Variants in BACH2 observed in about 807,000 individuals in gnomAD.
BACH2 encodes transcription regulator protein BACH2.
BACH2 carries 5 observed loss-of-function variants against 61.8 expected under a neutral mutation model. That is an observed-to-expected ratio of 0.08 (90% confidence interval 0.04 to 0.17). The LOEUF (loss-of-function observed/expected upper bound fraction) is 0.17, where lower values mean the gene tolerates loss of function less well. Among genes scored for constraint, BACH2 ranks in the 10% least tolerant of loss-of-function variants. The pLI, the probability that BACH2 is intolerant of heterozygous loss-of-function variation, is 1.00. For synonymous variants in BACH2, 446 were observed against 440.1 expected (o/e 1.01, Z -0.17); for missense variants, 824 against 1,091.1 (o/e 0.76, Z 3.45).
intron 6 of BACH2, among the ~76,000 whole-genome samples, chr6:89,997,005 GCA>G (rs60037899): frequency 0.63 from 93,735 of 149,456 alleles, 30,216 homozygotes; most frequent in South Asian, 0.74. Flanking sequence ...ATGCACACGG[GCA>G]CACACACACA....
At chr6:90,004,969 C>T (rs1324183551) in intron 6 of BACH2, among the ~76,000 whole-genome samples, 9 of 151,988 alleles carry the variant, frequency 5.9e-5, no homozygotes, top group Non-Finnish European at 1.3e-4. Flanking sequence ...CTAGGGATTG[C>T]CATTTGTTTT....
chr6:90,261,965 G>A (rs771638555), intron 2 of BACH2, among the ~76,000 whole-genome samples: 6 of 152,018 alleles, frequency 3.9e-5, no homozygotes, highest in South Asian at 2.1e-4. Context: ...TGACCCTCTC[G>A]CCTTGGATTC....
intron 4 of BACH2, among the ~76,000 whole-genome samples, chr6:90,105,559 G>A (rs1782865374): frequency 6.6e-6 from 1 of 152,156 alleles, no homozygotes; most frequent in African/African-American, 2.4e-5. Flanking sequence ...AAATACCAAT[G>A]AACATTAGGC....
chr6:90,233,482 A>C (rs1291402124), intron 3 of BACH2, among the ~76,000 whole-genome samples: 2 of 152,164 alleles, frequency 1.3e-5, no homozygotes, highest in East Asian at 3.8e-4. Context: ...AGAATGACAC[A>C]GATTTAGGTT....
Position 89,930,381 on chromosome 6 carries a change from A to C in BACH2, c.*2027T>G, listed in dbSNP as rs1282880837. 1 of 152,652 alleles carries C rather than the reference A, an allele frequency of 6.6e-6. No homozygotes were observed. Among genetic ancestry groups the C allele is most frequent in the Non-Finnish European group, 1.5e-5 (1 of 68,020 alleles). 9.5% of individuals were successfully genotyped at this position (152,652 alleles called of 1,614,324 possible). A position where few individuals can be genotyped will look rare whatever the true frequency, so the allele number is the denominator to read the frequency against. ...TACTATGATTTCACTTTTAGCCTAC[A>C]TCATATACTAATTTCCCCTTTTACA... On this transcript the variant is annotated 3_prime_UTR_variant, in exon 9 of 9. Transcript: ENST00000257749.
chr6:89,976,359 A>C (rs1775650954), intron 6 of BACH2, among the ~76,000 whole-genome samples: 1 of 152,230 alleles, frequency 6.6e-6, no homozygotes, highest in Admixed American at 6.5e-5. Flanking sequence ...CCATCTCACT[A>C]CTGCCTTAGG....
intron 6 of BACH2, among the ~76,000 whole-genome samples, chr6:89,975,888 TTCTTCA>T (rs1357085208): frequency 1.3e-5 from 2 of 152,218 alleles, no homozygotes; most frequent in Non-Finnish European, 2.9e-5. Context: ...TTGGACTGCT[TTCTTCA>T]TAATACAGTC....
intron 7 of BACH2, among the ~76,000 whole-genome samples, chr6:89,949,472 A>C (rs1554218990): frequency 6.6e-6 from 1 of 151,960 alleles, no homozygotes; most frequent in Non-Finnish European, 1.5e-5. Flanking sequence ...TCCTCTCCTT[A>C]GTCTTGTGAG....
intron 5 of BACH2, among the ~76,000 whole-genome samples, chr6:90,068,508 C>A (rs1419336624): frequency 6.6e-6 from 1 of 152,280 alleles, no homozygotes; most frequent in Non-Finnish European, 1.5e-5. Context: ...CCCATGGAGA[C>A]GCTGAGGCCC....
chr6:90,098,756 C>A (rs562753517), intron 4 of BACH2, among the ~76,000 whole-genome samples: 1 of 152,166 alleles, frequency 6.6e-6, no homozygotes, highest in Non-Finnish European at 1.5e-5. Flanking sequence ...CATGGAGCAT[C>A]CAGGGTAACT....
At position 89,950,858 on chromosome 6, in the gene BACH2, C is replaced by T; in HGVS notation, c.1248G>A (p.Leu416=). The T allele has an allele frequency of 1.2e-6, 2 of 1,612,242 alleles. No individual in the cohort carries two copies. The change falls in exon 7 of 9, where the codon TTG becomes TTA. Residue 416 remains leucine (L), a synonymous_variant. Transcript: ENST00000257749. This position sits in a 1 kb window ranked among gnomAD's most constrained non-coding sequence, Gnocchi z 5.3. ...TMGSPLRGPG[L]EALCKQEGEL... ...CTCCCTCCTGTTTACAGAGAGCCTC[C>T]AACCCAGGCCCCCTGAGGGGCGACC...
intron 4 of BACH2, among the ~76,000 whole-genome samples, chr6:90,155,230 T>A (rs1014388577): frequency 1.3e-5 from 2 of 152,184 alleles, no homozygotes; most frequent in African/African-American, 4.8e-5. Flanking sequence ...CTATCACTGT[T>A]ATGGGCTGGA....
chr6:90,049,217 C>T (rs1270958596), intron 5 of BACH2, among the ~76,000 whole-genome samples: 2 of 152,108 alleles, frequency 1.3e-5, no homozygotes, highest in Non-Finnish European at 2.9e-5. Context: ...ACAGGACAGA[C>T]AAAGTCCCTA....
chr6:90,123,928 G>A (rs1046494085), intron 4 of BACH2, among the ~76,000 whole-genome samples: 7 of 150,664 alleles, frequency 4.6e-5, no homozygotes, highest in Admixed American at 1.3e-4. Context: ...ACTCTCCTCC[G>A]AATGCAGGCC....
intron 5 of BACH2, among the ~76,000 whole-genome samples, chr6:90,030,130 G>A (rs991513688): frequency 6.6e-6 from 1 of 152,180 alleles, no homozygotes; most frequent in Non-Finnish European, 1.5e-5. Context: ...AAGCTTGTGT[G>A]CTCTTGCTTC....
Position 90,192,265 on chromosome 6 carries a change from G to A in BACH2, c.-162+14304C>T, listed in dbSNP as rs946299833. ...TGGGAGATTTCTTACAAATTCCTTG[G>A]AGAATCCAAAAATTTACAGTGGAAA... On this transcript the variant is annotated intron_variant, in intron 4 of 8. Transcript: ENST00000257749. Among the ~76,000 whole-genome samples the A allele has an allele frequency of 4.0e-5, 6 of 150,794 alleles. No homozygotes were observed. The South Asian group carries it at 8.3e-4, about 21-fold the overall frequency.
chr6:89,956,299 G>A (rs947351285), intron 6 of BACH2, among the ~76,000 whole-genome samples: 1 of 152,172 alleles, frequency 6.6e-6, no homozygotes, highest in African/African-American at 2.4e-5. Context: ...ATGTGGGGGC[G>A]AGACCTCGGA....
At chr6:90,007,091 T>C (rs1452707698) in intron 6 of BACH2, among the ~76,000 whole-genome samples, 1 of 152,082 alleles carries the variant, frequency 6.6e-6, no homozygotes, top group Non-Finnish European at 1.5e-5. Flanking sequence ...ATTATTTTTT[T>C]TGAGACAGGG....
At chr6:90,194,112 C>A (rs1202486464) in intron 4 of BACH2, among the ~76,000 whole-genome samples, 1 of 151,912 alleles carries the variant, frequency 6.6e-6, no homozygotes, top group East Asian at 1.9e-4. Context: ...TCAAGTAGCC[C>A]AAGTATGTAA....
Sources: gnomAD v4.1 joint callset for allele counts (sites outside exome capture counted in the v4.1 genomes callset) on GRCh38, gnomAD v4.1.1 for gene constraint, Gnocchi (gnomAD v3.1) non-coding constraint, MANE v1.5 for transcripts, NCBI Gene and HGNC (gene_info 2026-07-23, HGNC 2026-07-21) for gene names.